The following RIT2 variants were observed in gnomAD, a reference collection of about 807,000 sequenced individuals.
RIT2 encodes GTP-binding protein Rit2.
RIT2 carries 24 observed loss-of-function variants against 23.7 expected under a neutral mutation model. The observed-to-expected ratio is 1.01, with a 90% CI of 0.73 to 1.43. The LOEUF (loss-of-function observed/expected upper bound fraction) is 1.43, where lower values mean the gene tolerates loss of function less well. Among genes scored for constraint, RIT2 ranks in the 40% most tolerant of loss-of-function variants. The probability of loss-of-function intolerance (pLI) is 0.00; values close to 1 mark genes in which losing one functional copy is unlikely to be tolerated. For missense variants in RIT2, 236 were observed against 266.9 expected, an observed-to-expected ratio of 0.88 and a Z score of 0.81; for synonymous variants, 107 against 91.1, an observed-to-expected ratio of 1.17 and a Z score of -0.99.
intron 3 of RIT2, among the ~76,000 whole-genome samples, chr18:42,968,640 T>C (rs913229897): frequency 1.3e-5 from 2 of 152,256 alleles, no homozygotes; most frequent in Non-Finnish European, 2.9e-5. Context: ...TATCTGGCTG[T>C]ATTTTTAACT....
chr18:42,866,878 T>A (rs1323340856), intron 4 of RIT2, among the ~76,000 whole-genome samples: 1 of 152,170 alleles, frequency 6.6e-6, no homozygotes, highest in African/African-American at 2.4e-5. Flanking sequence ...ATAGTTTTGA[T>A]ATTTCTTACA....
At chr18:42,983,367 G>C (rs755046159) in intron 2 of RIT2, among the ~76,000 whole-genome samples, 1 of 151,096 alleles carries the variant, frequency 6.6e-6, no homozygotes, top group African/African-American at 2.4e-5. Flanking sequence ...AACCTAAATG[G>C]ATCACAGAAT....
At chr18:42,845,353 T>C (rs1020858580) in intron 4 of RIT2, among the ~76,000 whole-genome samples, 1 of 151,488 alleles carries the variant, frequency 6.6e-6, no homozygotes, top group Non-Finnish European at 1.5e-5. Context: ...ACAGTCCAAA[T>C]ATATAGATTT....
At chr18:43,089,207 C>A (rs551094332) in intron 1 of RIT2, among the ~76,000 whole-genome samples, 2 of 152,128 alleles carry the variant, frequency 1.3e-5, no homozygotes, top group Admixed American at 6.6e-5. Context: ...ATAGTCTCAG[C>A]CCAAAAACTT....
At chr18:42,746,847 C>T (rs188303214) in intron 4 of RIT2, among the ~76,000 whole-genome samples, 2 of 152,086 alleles carry the variant, frequency 1.3e-5, no homozygotes, top group African/African-American at 2.4e-5. Flanking sequence ...TGACAAAATC[C>T]AGCATCCCTT....
chr18:43,090,830 C>A (rs745941662), intron 1 of RIT2, among the ~76,000 whole-genome samples: 1 of 151,912 alleles, frequency 6.6e-6, no homozygotes, highest in African/African-American at 2.4e-5. Flanking sequence ...GATGAGAACA[C>A]GTGTACACAT....
At chr18:42,779,753 T>G (rs985959337) in intron 4 of RIT2, among the ~76,000 whole-genome samples, 3 of 152,158 alleles carry the variant, frequency 2.0e-5, no homozygotes, top group African/African-American at 7.2e-5. Flanking sequence ...GAAGTCAATG[T>G]GATTTGGAAA....
At chr18:42,766,555 G>C (rs1052773196) in intron 4 of RIT2, among the ~76,000 whole-genome samples, 1 of 152,218 alleles carries the variant, frequency 6.6e-6, no homozygotes, top group African/African-American at 2.4e-5. Flanking sequence ...TAAAAGTTTG[G>C]AAAATTAGCA....
At chr18:43,032,968 A>G (rs1351096841) in intron 2 of RIT2, among the ~76,000 whole-genome samples, 2 of 152,124 alleles carry the variant, frequency 1.3e-5, no homozygotes, top group Admixed American at 6.6e-5. Context: ...GACTGAGGGA[A>G]CAAATAGGGT....
intron 4 of RIT2, among the ~76,000 whole-genome samples, chr18:42,786,267 A>T (rs1416821791): frequency 6.6e-6 from 1 of 152,112 alleles, no homozygotes; most frequent in Non-Finnish European, 1.5e-5. Context: ...TCCTGTACAC[A>T]AGGGGTCTGA....
intron 1 of RIT2, among the ~76,000 whole-genome samples, chr18:43,049,805 G>A (rs939594315): frequency 1.3e-5 from 2 of 151,820 alleles, no homozygotes; most frequent in African/African-American, 4.8e-5. Context: ...CGGTATTCAG[G>A]CATTTCTGCT....
chr18:43,059,968 C>A (rs1912605672), intron 1 of RIT2, among the ~76,000 whole-genome samples: 1 of 152,102 alleles, frequency 6.6e-6, no homozygotes, highest in Admixed American at 6.5e-5. Context: ...CTAAGAAGGC[C>A]TCCTTAGAGA....
intron 4 of RIT2, among the ~76,000 whole-genome samples, chr18:42,883,517 G>T (rs1907947434): frequency 6.6e-6 from 1 of 152,044 alleles, no homozygotes; most frequent in Admixed American, 6.6e-5. Flanking sequence ...GTTACTCTAG[G>T]TGAATGCTTC....
chr18:42,871,009 G>C (rs1907609559), intron 4 of RIT2, among the ~76,000 whole-genome samples: 1 of 152,132 alleles, frequency 6.6e-6, no homozygotes. Context: ...GGACTGCAAA[G>C]CTATCAATTA....
chr18:42,748,184 T>C (rs1036343968), intron 4 of RIT2, among the ~76,000 whole-genome samples: 1 of 151,768 alleles, frequency 6.6e-6, no homozygotes, highest in Non-Finnish European at 1.5e-5. Flanking sequence ...CCAGAGTCTA[T>C]ACATTTGACA....
chr18:43,038,313 GT>G (rs71175933), intron 1 of RIT2, among the ~76,000 whole-genome samples: 56,516 of 136,684 alleles, frequency 0.41, 12,335 homozygotes, highest in Non-Finnish European at 0.52. Context: ...TTGAATCGTG[GT>G]TTTTTTTTTT....
In RIT2 at chr18:42,781,850, G is replaced by C. The variant is rs371265953; in HGVS notation, c.427-38130C>G. 2.2e-4 allele frequency among the ~76,000 whole-genome samples: 33 copies of C among 152,248 alleles called. 1 individual carries two copies. The East Asian group carries it at 5.2e-3, about 24-fold the overall frequency. On this transcript the variant is annotated intron_variant, in intron 4 of 4. Coordinates refer to ENST00000326695, the MANE Select transcript of RIT2 (RefSeq NM_002930.4). ...ACAGTTGTAAGCAAAAGTCTAATGG[G>C]GTAGAGCTGAAAATGACAGGCATTT... is the stretch of plus-strand genomic sequence containing the variant.
intron 4 of RIT2, among the ~76,000 whole-genome samples, chr18:42,813,684 C>T (rs992953373): frequency 7.0e-4 from 107 of 151,994 alleles, no homozygotes; most frequent in African/African-American, 2.5e-3. Context: ...GTTAGTACTC[C>T]AAAAATAAAA....
At chr18:43,015,751 G>A (rs1188249491) in intron 2 of RIT2, among the ~76,000 whole-genome samples, 1 of 151,554 alleles carries the variant, frequency 6.6e-6, no homozygotes, top group Non-Finnish European at 1.5e-5. Flanking sequence ...ATAAGCTGTG[G>A]GATTATGTTG....
Sources: gnomAD v4.1 joint callset for allele counts (sites outside exome capture counted in the v4.1 genomes callset) on GRCh38, gnomAD v4.1.1 for gene constraint, MANE v1.5 for transcripts, NCBI Gene and HGNC (gene_info 2026-07-23, HGNC 2026-07-21) for gene names.